The following TMC1 variants were observed in gnomAD, a reference collection of about 807,000 sequenced individuals.
TMC1 encodes the protein transmembrane channel-like protein 1.
Under a neutral mutation model 105.8 loss-of-function variants are expected in TMC1, and 84 were observed. The ratio of observed to expected loss-of-function variants is 0.79; its 90% CI spans 0.67 to 0.95. The LOEUF is 0.95. TMC1 is among the 40% of genes least tolerant of loss of function. The pLI, the probability that TMC1 is intolerant of heterozygous loss-of-function variation, is 0.00. For synonymous variants in TMC1, 315 were observed against 311.5 expected (o/e 1.01, Z -0.12); for missense variants, 817 against 914.1 (o/e 0.89, Z 1.37).
intron 10 of TMC1, among the ~76,000 whole-genome samples, chr9:72,743,260 G>A (rs1185803429): frequency 1.3e-5 from 2 of 150,154 alleles, no homozygotes; most frequent in South Asian, 4.2e-4. Context: ...CCAGCTACTT[G>A]GGAGGCTGAG....
rs189172213 is a variant in TMC1 at position 72,835,083 on chromosome 9, A to G, written c.2261-868A>G. On this transcript the variant is annotated intron_variant, in intron 23 of 23. Coordinates refer to ENST00000297784, the MANE Select transcript of TMC1 (RefSeq NM_138691.3). ...GCTTTCCAGCTTCTAAAATTTTGTCATTGATGTCTCTTCCCCTATTCTCCC... is the reference window on the plus strand; with the variant it reads ...GCTTTCCAGCTTCTAAAATTTTGTCGTTGATGTCTCTTCCCCTATTCTCCC... Among the ~76,000 whole-genome samples, 358 of 152,190 alleles carry G rather than the reference A, an allele frequency of 2.4e-3. 4 individuals are homozygous for G. Among genetic ancestry groups the G allele is most frequent in the Non-Finnish European group, 1.3e-3 (89 of 68,024 alleles).
At chr9:72,736,895 CA>C (rs1827307318) in intron 8 of TMC1, among the ~76,000 whole-genome samples, 1 of 152,144 alleles carries the variant, frequency 6.6e-6, no homozygotes, top group Middle Eastern at 3.4e-3. Context: ...TGGCACATTA[CA>C]AAAAATATGG....
At chr9:72,620,041 G>T (rs1328744324) in intron 3 of TMC1, among the ~76,000 whole-genome samples, 1 of 151,780 alleles carries the variant, frequency 6.6e-6, no homozygotes, top group Non-Finnish European at 1.5e-5. Context: ...CACCACGTTG[G>T]CCAGGATAGT....
At chr9:72,593,368 C>T (rs1213102494) in intron 2 of TMC1, among the ~76,000 whole-genome samples, 4 of 152,002 alleles carry the variant, frequency 2.6e-5, no homozygotes, top group Non-Finnish European at 5.9e-5. Flanking sequence ...GTAAGATCCC[C>T]ATTTTCTTTT....
intron 20 of TMC1, 50 bp from the exon 21 acceptor site, chr9:72,826,819 T>C: frequency 1.2e-6 from 2 of 1,603,066 alleles, no homozygotes; most frequent in Non-Finnish European, 1.7e-6. Flanking sequence ...TAACCATGGT[T>C]TTTCCATATG....
At chr9:72,698,505 C>A (rs537604762) in intron 7 of TMC1, among the ~76,000 whole-genome samples, 24 of 152,132 alleles carry the variant, frequency 1.6e-4, no homozygotes, top group African/African-American at 5.5e-4. Flanking sequence ...AATTGGATTA[C>A]AATTTTTGTT....
At chr9:72,653,828 T>A (rs968743722) in intron 5 of TMC1, among the ~76,000 whole-genome samples, 2 of 152,330 alleles carry the variant, frequency 1.3e-5, no homozygotes, top group African/African-American at 4.8e-5. Flanking sequence ...GCTAGTCTGC[T>A]TTTTGTCAGC....
In TMC1 at chr9:72,539,151, G is replaced by A. The variant is rs76197157; in HGVS notation, c.-428+17238G>A. 3.6e-3 allele frequency among the ~76,000 whole-genome samples: 549 copies of A among 152,084 alleles called. 7 individuals are homozygous for A. The highest frequency in any genetic ancestry group is 0.013 in the African/African-American group (522 of 41,474). On this transcript the variant is annotated intron_variant, in intron 1 of 23. Coordinates refer to ENST00000297784, the MANE Select transcript of TMC1 (RefSeq NM_138691.3). ...AGAGGCAGGCACTTTGGAAGGCTGA[G>A]GTGGGCAGATCAATTGGGCTCAGGA...
intron 5 of TMC1, among the ~76,000 whole-genome samples, chr9:72,686,027 G>A (rs1158011153): frequency 6.6e-6 from 1 of 152,166 alleles, no homozygotes; most frequent in Non-Finnish European, 1.5e-5. Context: ...GTGACATTTT[G>A]CTGTTGTTTC....
intron 2 of TMC1, among the ~76,000 whole-genome samples, chr9:72,588,383 T>C (rs553441479): frequency 2.0e-5 from 3 of 152,296 alleles, no homozygotes; most frequent in Non-Finnish European, 2.9e-5. Flanking sequence ...GCTCAAAACC[T>C]GGGAGTAACT....
chr9:72,775,585 C>T (rs1391086472), intron 13 of TMC1, among the ~76,000 whole-genome samples: 2 of 152,138 alleles, frequency 1.3e-5, no homozygotes, highest in Admixed American at 1.3e-4. Flanking sequence ...GAATGCATGT[C>T]TTAATAAGAA....
chr9:72,803,699 T>C (rs541530864), intron 17 of TMC1, among the ~76,000 whole-genome samples: 32 of 152,248 alleles, frequency 2.1e-4, no homozygotes, highest in African/African-American at 5.3e-4. Context: ...CTCACACCAG[T>C]CAGAATGGTG....
chr9:72,623,673 T>C (rs1230533874), intron 3 of TMC1, among the ~76,000 whole-genome samples: 1 of 152,138 alleles, frequency 6.6e-6, no homozygotes, highest in East Asian at 1.9e-4. Flanking sequence ...CGGCGAACCA[T>C]GTATCAGCTG....
At chr9:72,803,906 C>A (rs1828523205) in intron 17 of TMC1, among the ~76,000 whole-genome samples, 1 of 152,196 alleles carries the variant, frequency 6.6e-6, no homozygotes, top group South Asian at 2.1e-4. Flanking sequence ...GAAAATAAAT[C>A]ATTCTGTTAC....
chr9:72,739,991 G>A (rs1827360722), intron 8 of TMC1, 128 bp from the exon 9 acceptor site: 1 of 708,344 alleles, frequency 1.4e-6, no homozygotes, highest in African/African-American at 1.8e-5. Flanking sequence ...ATACAGTCTA[G>A]GTTCACCTGT....
At chr9:72,540,007 G>T (rs1823647713) in intron 1 of TMC1, among the ~76,000 whole-genome samples, 1 of 152,176 alleles carries the variant, frequency 6.6e-6, no homozygotes, top group Non-Finnish European at 1.5e-5. Context: ...GAGAGGAAGA[G>T]CGTGAGAGGA....
chr9:72,739,327 T>C (rs1290984326), intron 8 of TMC1, among the ~76,000 whole-genome samples: 1 of 152,210 alleles, frequency 6.6e-6, no homozygotes, highest in African/African-American at 2.4e-5. Flanking sequence ...AATACCATCA[T>C]GTTGGAGATT....
chr9:72,834,926 G>A (rs2118345461), intron 23 of TMC1, among the ~76,000 whole-genome samples: 1 of 152,172 alleles, frequency 6.6e-6, no homozygotes, highest in Non-Finnish European at 1.5e-5. Context: ...ACTTCCAGAG[G>A]TACCTGTTGC....
At chr9:72,546,191 G>A (rs2132068188) in intron 1 of TMC1, among the ~76,000 whole-genome samples, 1 of 152,206 alleles carries the variant, frequency 6.6e-6, no homozygotes, top group East Asian at 1.9e-4. Context: ...TACTTGAGAG[G>A]CTGAGACAGG....
Sources: gnomAD v4.1 joint callset for allele counts (sites outside exome capture counted in the v4.1 genomes callset) on GRCh38, gnomAD v4.1.1 for gene constraint, MANE v1.5 for transcripts, NCBI Gene and HGNC (gene_info 2026-07-23, HGNC 2026-07-21) for gene names.